KIF13A: variants seen among roughly 807,000 people sequenced by gnomAD.
KIF13A encodes the protein kinesin-like protein KIF13A.
A neutral mutation model predicts 212.2 loss-of-function variants in KIF13A; 79 were observed. That is an observed-to-expected ratio of 0.37 (90% CI 0.31 to 0.45). The LOEUF is 0.45. Ranked by LOEUF, KIF13A falls within the 20% of genes least tolerant of loss-of-function variation. The pLI is 1.00. For missense variants in KIF13A, 1,901 were observed against 2,209.0 expected (o/e 0.86, Z 2.79); for synonymous variants, 789 against 808.6 (o/e 0.98, Z 0.41).
chr6:17,831,464 G>C (rs1421497180), intron 12 of KIF13A, among the ~76,000 whole-genome samples: 1 of 151,794 alleles, frequency 6.6e-6, no homozygotes, highest in Non-Finnish European at 1.5e-5. Context: ...AAGGAGCTTA[G>C]AATCTAGTAG....
chr6:17,854,282 G>A (rs1767936311), intron 6 of KIF13A, among the ~76,000 whole-genome samples: 5 of 151,742 alleles, frequency 3.3e-5, no homozygotes, highest in Admixed American at 6.6e-5. Context: ...GGGATTACAG[G>A]TGCCCAGCAC....
At chr6:17,788,499 G>A (rs1761245666) in intron 26 of KIF13A, among the ~76,000 whole-genome samples, 1 of 152,164 alleles carries the variant, frequency 6.6e-6, no homozygotes, top group Non-Finnish European at 1.5e-5. Context: ...AATGTGCCAG[G>A]AAGCGCACAA....
intron 4 of KIF13A, among the ~76,000 whole-genome samples, chr6:17,866,433 A>G (rs1769377306): frequency 6.6e-6 from 1 of 152,182 alleles, no homozygotes; most frequent in Non-Finnish European, 1.5e-5. Flanking sequence ...AGGCTGGAGT[A>G]GAATCCATAA....
rs1767087736 is a variant in KIF13A, at chr6:17,846,587, G to T, written c.830+2790C>A. On this transcript the variant is annotated intron_variant, in intron 9 of 38. Coordinates refer to ENST00000259711, the MANE Select transcript of KIF13A (RefSeq NM_022113.6). The stretch of plus-strand genomic sequence containing the variant: ...GTTTAAGAGCAGTCTGGTCAACATA[G>T]CGAGACCCCATTTCTTTAAAAAAAA... Among the ~76,000 whole-genome samples the T allele has an allele frequency of 3.2e-5, 4 of 125,730 alleles. No homozygotes were observed. In the South Asian group the frequency reaches 1.1e-3, roughly 34 times the overall value. 82.5% of individuals were successfully genotyped at this position (125,730 alleles called of 152,430 possible).
intron 4 of KIF13A, among the ~76,000 whole-genome samples, chr6:17,857,026 T>C (rs1768206666): frequency 6.6e-6 from 1 of 152,220 alleles, no homozygotes; most frequent in South Asian, 2.1e-4. Context: ...TACAAAATGC[T>C]TAATAAATGT....
intron 4 of KIF13A, among the ~76,000 whole-genome samples, chr6:17,866,072 A>G (rs140659961): frequency 1.3e-5 from 2 of 152,322 alleles, no homozygotes; most frequent in African/African-American, 4.8e-5. Context: ...TGTCTTACAG[A>G]GAATGTGTGT....
chr6:17,981,967 T>C (rs1311924696), intron 2 of KIF13A, among the ~76,000 whole-genome samples: 1 of 152,198 alleles, frequency 6.6e-6, no homozygotes, highest in Non-Finnish European at 1.5e-5. Context: ...GGAAGCCAGC[T>C]TAGAAATAAA....
intron 2 of KIF13A, chr6:17,950,310 A>C: frequency 1.4e-6 from 1 of 715,500 alleles, no homozygotes; most frequent in Non-Finnish European, 1.7e-6. Context: ...GATTCAGTTC[A>C]AACAAACCAG....
intron 2 of KIF13A, among the ~76,000 whole-genome samples, chr6:17,932,142 G>A (rs1776037754): frequency 6.6e-6 from 1 of 151,972 alleles, no homozygotes; most frequent in African/African-American, 2.4e-5. Context: ...GAGAACCACC[G>A]ACACATGCTA....
chr6:17,764,013 G>T lies in KIF13A; in HGVS notation c.*97C>A. On this transcript the variant is annotated 3_prime_UTR_variant, in exon 39 of 39. Transcript: ENST00000259711. This position sits in a 1 kb window ranked among gnomAD's most constrained non-coding sequence, Gnocchi z 5.1. ...GTGCAGGAAGTGAGCCTGCTTCTCT[G>T]TGGGCTCATCTTTGCTGTCACAAAC... is the stretch of plus-strand genomic sequence containing the variant. The T allele has an allele frequency of 6.8e-7, 1 of 1,481,338 alleles. No homozygotes were observed. Among genetic ancestry groups the T allele is most frequent in the Non-Finnish European group, 9.0e-7 (1 of 1,115,046 alleles). 91.8% of individuals were successfully genotyped at this position (1,481,338 alleles called of 1,614,324 possible). A position where few individuals can be genotyped will look rare whatever the true frequency, so the allele number is the denominator to read the frequency against.
chr6:17,766,187 G>A (rs992157415), intron 38 of KIF13A, among the ~76,000 whole-genome samples: 2 of 150,956 alleles, frequency 1.3e-5, no homozygotes, highest in Non-Finnish European at 3.0e-5. Flanking sequence ...CATTAAGTTT[G>A]CATTTTATTA....
At chr6:17,802,943 T>TG (rs905494397) in intron 20 of KIF13A, among the ~76,000 whole-genome samples, 6 of 99,290 alleles carry the variant, frequency 6.0e-5, no homozygotes, top group Admixed American at 3.8e-4. Flanking sequence ...TTTTTTTTTG[T>TG]TTTGTTTTGA....
intron 2 of KIF13A, among the ~76,000 whole-genome samples, chr6:17,981,414 T>C (rs1343746569): frequency 6.6e-6 from 1 of 150,712 alleles, no homozygotes; most frequent in Non-Finnish European, 1.5e-5. Flanking sequence ...TTTAGTTTTG[T>C]TTTTCTTTTT....
At position 17,800,047 on chromosome 6, in the gene KIF13A, C is replaced by G. The variant is rs532695204; in HGVS notation, c.2521G>C (p.Asp841His). 14 of 1,614,038 alleles carry G rather than the reference C, an allele frequency of 8.7e-6. No homozygotes were observed. In the Admixed American group the frequency reaches 2.2e-4, roughly 25 times the overall value. Reference protein sequence around the residue: ...TGAVPERVVEDDSSENSSESG... With the variant: ...TGAVPERVVEHDSSENSSESG... ...TCACTGGAATTCTCCGAAGAGTCAT[C>G]CTCCACCACACGCTCTGGAACAGCT... Residue 841 changes from aspartate (D) to histidine (H), a missense_variant, in exon 21 of 39, where the codon GAT becomes CAT. Asp to His is a moderately conservative substitution (Grantham distance 81). This residue lies in a region of KIF13A where 534 missense variants were observed against 536.9 expected (regional missense o/e 0.99). Coordinates refer to ENST00000259711, the MANE Select transcript of KIF13A (RefSeq NM_022113.6).
intron 16 of KIF13A, among the ~76,000 whole-genome samples, chr6:17,822,065 A>T (rs2150360786): frequency 7.2e-6 from 1 of 138,256 alleles, no homozygotes; most frequent in East Asian, 2.1e-4. Context: ...TTTGTGATGA[A>T]GTCTTGCTCT....
rs771115254 is a variant in KIF13A, at chr6:17,770,191, T to C, written c.4581+923A>G. On this transcript the variant is annotated intron_variant, in intron 38 of 38. Coordinates refer to ENST00000259711, the MANE Select transcript of KIF13A (RefSeq NM_022113.6). The stretch of plus-strand genomic sequence containing the variant: ...GGTCTGACATGGTGTCGCTGGAAAA[T>C]GAGACTCCCTACACTCTTCCCAATA... 1.8e-3 allele frequency among the ~76,000 whole-genome samples: 273 copies of C among 151,416 alleles called. 1 individual carries two copies. Among genetic ancestry groups the C allele is most frequent in the Admixed American group, 2.8e-3 (43 of 15,218 alleles).
intron 12 of KIF13A, 124 bp from the exon 13 acceptor site, chr6:17,831,359 G>C: frequency 9.4e-7 from 1 of 1,059,114 alleles, no homozygotes; most frequent in African/African-American, 1.6e-5. Context: ...ATGCTACTCT[G>C]CTCAACCACA....
chr6:17,759,967 G>C (rs971748634), downstream of KIF13A: 3 of 151,750 alleles, frequency 2.0e-5, no homozygotes, highest in Non-Finnish European at 4.4e-5. Context: ...CACGGTCCAG[G>C]CAACTGTGGA....
chr6:17,789,995 C>T lies in KIF13A; in HGVS notation c.3223-85G>A. ...AAAATAATTATTTAAGCTTAACACACATTAAAATGGACAGCTTACCTAACA... is the reference window on the plus strand; with the variant it reads ...AAAATAATTATTTAAGCTTAACACATATTAAAATGGACAGCTTACCTAACA... On this transcript the variant is annotated intron_variant, in intron 25 of 38. Transcript: ENST00000259711. This position sits in a 1 kb window ranked among gnomAD's most constrained non-coding sequence, Gnocchi z 4.8. The T allele has an allele frequency of 4.8e-6, 5 of 1,041,856 alleles. No individual in the cohort carries two copies. Among genetic ancestry groups the T allele is most frequent in the Non-Finnish European group, 7.3e-6 (5 of 683,166 alleles). 64.5% of individuals were successfully genotyped at this position (1,041,856 alleles called of 1,614,324 possible).
Sources: allele counts gnomAD v4.1 joint callset (sites outside exome capture counted in the v4.1 genomes callset), GRCh38; gene constraint gnomAD v4.1.1; regional missense constraint gnomAD v4.1.1; non-coding constraint Gnocchi (gnomAD v3.1); transcripts MANE v1.5; gene names NCBI Gene and HGNC (gene_info 2026-07-23, HGNC 2026-07-21).